LATS2: variants seen among roughly 807,000 people sequenced by gnomAD.
LATS2 encodes the protein serine/threonine-protein kinase LATS2.
Under a neutral mutation model 76.0 loss-of-function variants are expected in LATS2, and 24 were observed. That is an observed-to-expected ratio of 0.32 (90% CI 0.23 to 0.44). The LOEUF is 0.44. Ranked by LOEUF, LATS2 falls within the 20% of genes least tolerant of loss-of-function variation. The probability of loss-of-function intolerance (pLI) is 1.00; values close to 1 mark genes in which losing one functional copy is unlikely to be tolerated. For missense variants in LATS2, 1,286 were observed against 1,481.2 expected, an observed-to-expected ratio of 0.87 and a Z score of 2.16; for synonymous variants, 692 against 635.4, an observed-to-expected ratio of 1.09 and a Z score of -1.34.
intron 2 of LATS2, among the ~76,000 whole-genome samples, chr13:21,000,147 C>T (rs772243099): frequency 1.2e-4 from 19 of 152,140 alleles, no homozygotes; most frequent in Non-Finnish European, 1.9e-4. Flanking sequence ...TTTGGGAAGC[C>T]GAGGCGGGCA....
In LATS2 at chr13:20,973,700, A is replaced by G. The variant is rs1031918232; in HGVS notation, c.*1170T>C. ...AAGTACACTAAAAGAACAAAAAAAAAGTGAGAGAACCATTAGATCACTCAG... is the reference window on the plus strand; with the variant it reads ...AAGTACACTAAAAGAACAAAAAAAAGGTGAGAGAACCATTAGATCACTCAG... On this transcript the variant is annotated 3_prime_UTR_variant, in exon 8 of 8. Coordinates refer to ENST00000382592, the MANE Select transcript of LATS2 (RefSeq NM_014572.3). 4.3e-6 allele frequency: 1 copy of G among 230,480 alleles called. No individual in the cohort carries two copies. Among genetic ancestry groups the G allele is most frequent in the African/African-American group, 2.2e-5 (1 of 45,166 alleles). 14.3% of individuals were successfully genotyped at this position (230,480 alleles called of 1,614,324 possible). A position where few individuals can be genotyped will look rare whatever the true frequency, so the allele number is the denominator to read the frequency against.
In LATS2 at chr13:20,983,511, T is replaced by C; in HGVS notation, c.2195A>G (p.Tyr732Cys). 2 of 1,614,094 alleles carry C rather than the reference T, an allele frequency of 1.2e-6. No individual in the cohort carries two copies. Among genetic ancestry groups the C allele is most frequent in the Non-Finnish European group, 1.7e-6 (2 of 1,180,022 alleles). Residue 732 changes from tyrosine to cysteine, a missense_variant, in exon 5 of 8, where the codon TAC becomes TGC. By Grantham distance (194) the Tyr-to-Cys change is radical. Transcript: ENST00000382592. ...EADNEWVVKL[Y>C]YSFQDKDSLY... is the part of the protein sequence containing the mutation. ...GCTGTCTTTGTCTTGGAAGGAGTAG[T>C]AGAGTTTGACCACCCACTCATTGTC...
Position 20,983,519 on chromosome 13 carries a change from G to T in LATS2, c.2187C>A (p.Val729=). The change falls in exon 5 of 8, where the codon GTC becomes GTA. Residue 729 remains valine (V), a synonymous_variant. Coordinates refer to ENST00000382592, the MANE Select transcript of LATS2 (RefSeq NM_014572.3). ...TGTCTTGGAAGGAGTAGTAGAGTTT[G>T]ACCACCCACTCATTGTCTGCCTCGG... ...ILAEADNEWV[V]KLYYSFQDKD... 6.2e-7 allele frequency: 1 copy of T among 1,614,106 alleles called. No individual in the cohort carries two copies. The highest frequency in any genetic ancestry group is 1.3e-5 in the African/African-American group (1 of 75,034).
Position 20,973,915 on chromosome 13 carries a change from C to T in LATS2, c.*955G>A, listed in dbSNP as rs1159333711. ...TGTCCGTGATTAAACTTTTTGGCAT[C>T]GCTGTATTAATCCCTTTTGATGTAT... On this transcript the variant is annotated 3_prime_UTR_variant, in exon 8 of 8. Transcript: ENST00000382592. 3 of 220,402 alleles carry T rather than the reference C, an allele frequency of 1.4e-5. No individual in the cohort carries two copies. The highest frequency in any genetic ancestry group is 2.7e-5 in the Non-Finnish European group (3 of 110,752). 13.7% of individuals were successfully genotyped at this position (220,402 alleles called of 1,614,324 possible).
intron 2 of LATS2, among the ~76,000 whole-genome samples, chr13:20,998,528 C>G (rs1392021305): frequency 2.6e-5 from 4 of 152,146 alleles, no homozygotes; most frequent in African/African-American, 4.8e-5. Context: ...GAATCTCTGA[C>G]CCAAAGGCCT....
intron 2 of LATS2, among the ~76,000 whole-genome samples, chr13:20,992,391 G>C (rs1870544441): frequency 6.6e-6 from 1 of 152,330 alleles, no homozygotes; most frequent in African/African-American, 2.4e-5. Context: ...TGGGTGCAGA[G>C]CTGGAGGCAC....
chr13:20,982,746 C>A (rs1190657251), intron 5 of LATS2, among the ~76,000 whole-genome samples: 1 of 151,558 alleles, frequency 6.6e-6, no homozygotes, highest in Non-Finnish European at 1.5e-5. Flanking sequence ...AATCCCAGCA[C>A]TTTGGGAGGC....
intron 2 of LATS2, among the ~76,000 whole-genome samples, chr13:21,041,134 G>A (rs924155801): frequency 4.6e-5 from 7 of 152,048 alleles, no homozygotes; most frequent in South Asian, 2.1e-4. Flanking sequence ...CACCATGCCC[G>A]GCTAATTTTT....
chr13:20,988,764 G>A lies in LATS2; in HGVS notation c.1016C>T (p.Ala339Val), dbSNP rs751010495. Residue 339 changes from alanine to valine, a missense_variant, in exon 4 of 8, where the codon GCC becomes GTC. Ala to Val is a moderately conservative substitution (Grantham distance 64, BLOSUM62 0). Coordinates refer to ENST00000382592, the MANE Select transcript of LATS2 (RefSeq NM_014572.3). Reference sequence around the variant, plus strand: ...CAGGCTCTGCGGGGGGCTGTCGCTGGCGAACACCTGGCTGCGGGAGCCCAG... The same window carrying A: ...CAGGCTCTGCGGGGGGCTGTCGCTGACGAACACCTGGCTGCGGGAGCCCAG... The part of the protein sequence containing the change: ...HVLGSRSQVF[A>V]SDSPPQSLLT... The A allele has an allele frequency of 6.3e-7, 1 of 1,583,110 alleles. No homozygotes were observed. The highest frequency in any genetic ancestry group is 2.2e-5 in the East Asian group (1 of 44,592).
intron 2 of LATS2, among the ~76,000 whole-genome samples, chr13:21,035,637 A>G (rs902714195): frequency 4.6e-5 from 7 of 152,258 alleles, no homozygotes. Flanking sequence ...TTGGTGTGAC[A>G]CAACAGGCAT....
At chr13:21,041,423 C>T (rs1396403291) in intron 2 of LATS2, among the ~76,000 whole-genome samples, 1 of 152,124 alleles carries the variant, frequency 6.6e-6, no homozygotes, top group African/African-American at 2.4e-5. Flanking sequence ...ATCAGTTTAT[C>T]AGTTTGTTTG....
At position 21,053,270 on chromosome 13, in the gene LATS2, C is replaced by G. The variant is rs964838505; in HGVS notation, c.-204-7040G>C. 3.3e-5 allele frequency among the ~76,000 whole-genome samples: 5 copies of G among 151,334 alleles called. No homozygotes were observed. The East Asian group carries it at 9.7e-4, about 29-fold the overall frequency. ...AAAAAAAAAAAAGCCCAACTCAACC[C>G]CACCTGCCTGGCTCACTCCTACTCC... On this transcript the variant is annotated intron_variant, in intron 1 of 7. Coordinates refer to ENST00000382592, the MANE Select transcript of LATS2 (RefSeq NM_014572.3).
At chr13:21,013,577 C>T (rs1334015502) in intron 2 of LATS2, among the ~76,000 whole-genome samples, 1 of 152,206 alleles carries the variant, frequency 6.6e-6, no homozygotes, top group African/African-American at 2.4e-5. Context: ...ATGTTATCTA[C>T]ATCCCTTTCC....
At chr13:21,059,969 TAAC>T (rs1005409684) in intron 1 of LATS2, among the ~76,000 whole-genome samples, 6 of 152,312 alleles carry the variant, frequency 3.9e-5, no homozygotes, top group African/African-American at 7.2e-5. Context: ...TGTCTTAAAA[TAAC>T]AACATTTTTG....
At position 20,974,676 on chromosome 13, in the gene LATS2, G is replaced by A. The variant is rs960894394; in HGVS notation, c.*194C>T. The stretch of plus-strand genomic sequence containing the variant: ...CAGTGAAGGTCCTGAAAAGCCTATT[G>A]AAAGCGATGCTGAGTCCTGTTTTCA... On this transcript the variant is annotated 3_prime_UTR_variant, in exon 8 of 8. Transcript: ENST00000382592. 5.1e-6 allele frequency: 3 copies of A among 587,650 alleles called. No homozygotes were observed. The highest frequency in any genetic ancestry group is 8.8e-6 in the Non-Finnish European group (3 of 340,894). The allele number at this position is 587,650 out of a possible 1,614,324, so 36.4% of individuals were successfully genotyped here. A position where few individuals can be genotyped will look rare whatever the true frequency, so the allele number is the denominator to read the frequency against.
At position 21,050,147 on chromosome 13, in the gene LATS2, G is replaced by GATAGATAGATAGATAGATAGATAGATAC. The variant is rs71200328; in HGVS notation, c.-204-3918_-204-3917insGTATCTATCTATCTATCTATCTATCTAT. ...AGACAGATAGATAGATAGATAGATA[G>GATAGATAGATAGATAGATAGATAGATAC]ATACATACATACATACATACATACA... On this transcript the variant is annotated intron_variant, in intron 1 of 7. Coordinates refer to ENST00000382592, the MANE Select transcript of LATS2 (RefSeq NM_014572.3). 7.4e-3 allele frequency among the ~76,000 whole-genome samples: 396 copies of GATAGATAGATAGATAGATAGATAGATAC among 53,824 alleles called. 13 individuals carry two copies. The highest frequency in any genetic ancestry group is 0.018 in the African/African-American group (382 of 21,098). 35.3% of individuals were successfully genotyped at this position (53,824 alleles called of 152,430 possible). A position where few individuals can be genotyped will look rare whatever the true frequency, so the allele number is the denominator to read the frequency against.
At chr13:21,048,626 G>A (rs1012732241) in intron 1 of LATS2, among the ~76,000 whole-genome samples, 9 of 152,112 alleles carry the variant, frequency 5.9e-5, no homozygotes, top group African/African-American at 2.2e-4. Flanking sequence ...GAGGTCAGGA[G>A]TTCGAGACCA....
At chr13:20,977,385 C>CAA (rs112150926) in intron 7 of LATS2, among the ~76,000 whole-genome samples, 3 of 81,812 alleles carry the variant, frequency 3.7e-5, no homozygotes, top group African/African-American at 4.3e-5. Context: ...AACCCTGTCT[C>CAA]AAAAAAAAAA....
chr13:21,006,958 T>G (rs1469152923), intron 2 of LATS2, among the ~76,000 whole-genome samples: 1 of 152,096 alleles, frequency 6.6e-6, no homozygotes, highest in African/African-American at 2.4e-5. Context: ...TGCTGTCAAG[T>G]AGGTTGGAAG....
Sources: gnomAD v4.1 joint callset for allele counts (sites outside exome capture counted in the v4.1 genomes callset) on GRCh38, gnomAD v4.1.1 for gene constraint, MANE v1.5 for transcripts, NCBI Gene and HGNC (gene_info 2026-07-23, HGNC 2026-07-21) for gene names.